The following ROBO4 variants were observed in gnomAD, a reference collection of about 807,000 sequenced individuals.
The protein encoded by ROBO4 is roundabout homolog 4.
Under a neutral mutation model 103.3 loss-of-function variants are expected in ROBO4, and 80 were observed. That is an observed-to-expected ratio of 0.77 (90% CI 0.65 to 0.93). ROBO4 has a LOEUF of 0.93. Ranked by LOEUF, ROBO4 falls within the 40% of genes least tolerant of loss-of-function variation. The pLI is 0.00. For synonymous variants in ROBO4, 504 were observed against 529.7 expected (o/e 0.95, Z 0.67); for missense variants, 1,333 against 1,305.3 (o/e 1.02, Z -0.33).
In ROBO4 at chr11:124,883,807, C is replaced by G. The variant is rs1187323005; in HGVS notation, c.*1084G>C. ...TACAGGCGTGAGCCACCGTGCCCAG[C>G]CAGCAAAACAATTTTCTACACAAAT... is the stretch of plus-strand genomic sequence containing the variant. On this transcript the variant is annotated 3_prime_UTR_variant, in exon 18 of 18. Transcript: ENST00000306534. 6.6e-6 allele frequency: 1 copy of G among 151,972 alleles called. No homozygotes were observed. The highest frequency in any genetic ancestry group is 1.5e-5 in the Non-Finnish European group (1 of 68,016). The allele number at this position is 151,972 out of a possible 1,614,324, so 9.4% of individuals were successfully genotyped here. A position where few individuals can be genotyped will look rare whatever the true frequency, so the allele number is the denominator to read the frequency against.
intron 12 of ROBO4, among the ~76,000 whole-genome samples, chr11:124,888,866 A>G (rs1946758402): frequency 6.6e-6 from 1 of 152,234 alleles, no homozygotes; most frequent in African/African-American, 2.4e-5. Context: ...AGGAACCTGA[A>G]GAACATCAGA....
At chr11:124,890,979 T>C (rs1294821087) in intron 12 of ROBO4, among the ~76,000 whole-genome samples, 1 of 152,220 alleles carries the variant, frequency 6.6e-6, no homozygotes, top group Non-Finnish European at 1.5e-5. Context: ...GTGTCTGACG[T>C]CTCTTGTGTT....
rs987704342 is a variant in ROBO4 at position 124,893,947 on chromosome 11, T to C, written c.1417A>G (p.Thr473Ala). 3.7e-6 allele frequency: 6 copies of C among 1,609,928 alleles called. No individual in the cohort carries two copies. The Admixed American group carries it at 6.7e-5, about 18-fold the overall frequency. ...ATLKRPEVIA[T>A]CGVALWLLLL... ...AGCAGCCAGAGTGCAACACCGCAGG[T>C]GGCAATGACCTCAGGCCGCTTCAAG... Residue 473 changes from threonine (T) to alanine (A), a missense_variant, in exon 9 of 18, where the codon ACC becomes GCC. By Grantham distance (58) the Thr-to-Ala change is moderately conservative. Transcript: ENST00000306534.
rs764965001 is a variant in ROBO4 at position 124,895,806 on chromosome 11, C to T, written c.786G>A (p.Pro262=). 53 of 1,614,176 alleles carry T rather than the reference C, an allele frequency of 3.3e-5. No individual in the cohort carries two copies. The highest frequency in any genetic ancestry group is 2.5e-4 in the South Asian group (23 of 91,088). Residue 262 remains proline (P), a synonymous_variant, in exon 5 of 18, where the codon CCG becomes CCA. Coordinates refer to ENST00000306534, the MANE Select transcript of ROBO4 (RefSeq NM_019055.6). ...TCACCTTCCAGCTGAGCCACACCGC[C>T]GGTCTAGGCTTGGGGCCCTCTGCAG... The part of the protein sequence containing the change: ...PDPAEGPKPR[P]AVWLSWKVSG...
intron 2 of ROBO4, 88 bp downstream of exon 2, chr11:124,896,844 C>T (rs1946901474): frequency 7.1e-6 from 11 of 1,540,320 alleles, no homozygotes; most frequent in Non-Finnish European, 8.7e-6. Flanking sequence ...AGGTATCCCA[C>T]TGACCTCTCA....
Position 124,897,199 on chromosome 11 carries a change from C to G in ROBO4, c.133G>C (p.Gly45Arg). 1 of 1,506,294 alleles carries G rather than the reference C, an allele frequency of 6.6e-7. No individual in the cohort carries two copies. Among genetic ancestry groups the G allele is most frequent in the Non-Finnish European group, 8.9e-7 (1 of 1,127,950 alleles). The allele number at this position is 1,506,294 out of a possible 1,614,324, so 93.3% of individuals were successfully genotyped here. Residue 45 changes from glycine (G) to arginine (R), a missense_variant, in exon 2 of 18, where the codon GGC (glycine) becomes CGC (arginine). By Grantham distance (125) the Gly-to-Arg change is moderately radical. Transcript: ENST00000306534. Reference protein sequence around the residue: ...LVHPQDQLFQGPGPARMSCQA... With the variant: ...LVHPQDQLFQRPGPARMSCQA... ...CAGCTCATCCTGGCAGGGCCAGGGC[C>G]CTGGAACAGCTGGTCCTGGGGGTGG...
At position 124,897,258 on chromosome 11, in the gene ROBO4, C is replaced by A. The variant is rs184959140; in HGVS notation, c.74G>T (p.Gly25Val). ...LPLLLLLIMG[G>V]MAQDSPPQIL... ...CTGGGGCGGGGAGTCCTGAGCCATG[C>A]CTCCTGGGAGGGAAAGGGAGCAGAG... The change falls in exon 2 of 18, where the codon GGC becomes GTC. Residue 25 changes from glycine (G) to valine (V), a missense_variant. Transcript: ENST00000306534. 2 of 1,439,406 alleles carry A rather than the reference C, an allele frequency of 1.4e-6. No individual in the cohort carries two copies. The highest frequency in any genetic ancestry group is 1.8e-6 in the Non-Finnish European group (2 of 1,097,314). The allele number at this position is 1,439,406 out of a possible 1,614,324, so 89.2% of individuals were successfully genotyped here.
intron 1 of ROBO4, 27 bp from the exon 2 acceptor site, chr11:124,897,288 G>A (rs1392754451): frequency 2.8e-6 from 4 of 1,408,968 alleles, no homozygotes; most frequent in Admixed American, 3.0e-5. Context: ...GCAGAGCCCA[G>A]TCTGATCACC....
chr11:124,886,889 C>G, intron 15 of ROBO4, 67 bp from the exon 16 acceptor site: 1 of 1,531,486 alleles, frequency 6.5e-7, no homozygotes, highest in Non-Finnish European at 8.8e-7. Context: ...AACAGAAAAG[C>G]CCCAGTTGAG....
At chr11:124,894,631 A>AG (rs1946853213) in intron 7 of ROBO4, among the ~76,000 whole-genome samples, 1 of 152,028 alleles carries the variant, frequency 6.6e-6, no homozygotes, top group Admixed American at 6.5e-5. Flanking sequence ...CCAAGTCACC[A>AG]GGGGGGCCTG....
chr11:124,896,667 A>T lies in ROBO4; in HGVS notation c.404T>A (p.Leu135His). The T allele has an allele frequency of 6.2e-7, 1 of 1,613,858 alleles. No individual in the cohort carries two copies. The highest frequency in any genetic ancestry group is 8.5e-7 in the Non-Finnish European group (1 of 1,179,878). ...SRGARLSVAVLREDFQIQPRD... is the reference protein window; with the variant it reads ...SRGARLSVAVHREDFQIQPRD... The stretch of plus-strand genomic sequence containing the variant: ...AGGCTGGATCTGGAAATCCTCCCGG[A>T]GGACTGTGGGGAGGATGGAAGGTGA... The change falls in exon 3 of 18, where the codon CTC becomes CAC. Residue 135 changes from leucine to histidine, a missense_variant. Transcript: ENST00000306534.
intron 2 of ROBO4, 57 bp from the exon 3 acceptor site, chr11:124,896,727 T>G: frequency 6.3e-7 from 1 of 1,576,200 alleles, no homozygotes; most frequent in Non-Finnish European, 8.6e-7. Flanking sequence ...CTCTCTCCCT[T>G]ATCACTCTTG....
At chr11:124,897,664 C>T in intron 1 of ROBO4, 62 bp downstream of exon 1, 1 of 1,473,898 alleles carries the variant, frequency 6.8e-7, no homozygotes, top group Non-Finnish European at 9.5e-7. Context: ...TCAGCAGGCC[C>T]CTTCTGCCCT....
At chr11:124,897,599 A>C (rs760192754) in intron 1 of ROBO4, 127 bp downstream of exon 1, 4 of 765,372 alleles carry the variant, frequency 5.2e-6, no homozygotes, top group East Asian at 2.5e-5. Context: ...CACACTCATC[A>C]TCATCATCCT....
chr11:124,887,055 C>T lies in ROBO4; in HGVS notation c.2357G>A (p.Gly786Glu), dbSNP rs375426949. The change falls in exon 15 of 18, where the codon GGG becomes GAG. Residue 786 changes from glycine (G) to glutamate (E), a missense_variant. Physicochemically the swap from Gly to Glu is moderately conservative, Grantham distance 98. Transcript: ENST00000306534. ...RLSSSSLSSL[G>E]EDQDSVLTPE... ...GGTCAGCACGCTGTCTTGATCCTCC[C>T]CCAGGGATGACAGTGAGGAGCTGGA... 3.1e-6 allele frequency: 5 copies of T among 1,613,952 alleles called. No homozygotes were observed. Among genetic ancestry groups the T allele is most frequent in the Non-Finnish European group, 4.2e-6 (5 of 1,179,902 alleles).
rs371541640 is a variant in ROBO4 at position 124,893,892 on chromosome 11, C to T, written c.1472G>A (p.Arg491His). Residue 491 changes from arginine (R) to histidine (H), a missense_variant, in exon 9 of 18, where the codon CGC becomes CAC. Transcript: ENST00000306534. The stretch of plus-strand genomic sequence containing the variant: ...CAGGTGCACCCTAGCTCGGCGCCGG[C>T]GGTGGATACACACGGCGGTGCCCAG... Reference protein sequence around the residue: ...LLLGTAVCIHRRRRARVHLGP... With the variant: ...LLLGTAVCIHHRRRARVHLGP... 241 of 1,612,506 alleles carry T rather than the reference C, an allele frequency of 1.5e-4. No homozygotes were observed. The highest frequency in any genetic ancestry group is 1.8e-4 in the Non-Finnish European group (216 of 1,179,788).
Position 124,896,551 on chromosome 11 carries a change from C to T in ROBO4, c.520G>A (p.Asp174Asn). 2 of 1,614,154 alleles carry T rather than the reference C, an allele frequency of 1.2e-6. No homozygotes were observed. Among genetic ancestry groups the T allele is most frequent in the Non-Finnish European group, 8.5e-7 (1 of 1,180,014 alleles). Residue 174 changes from aspartate (D) to asparagine (N), a missense_variant, in exon 3 of 18, where the codon GAT (aspartate) becomes AAT (asparagine). By Grantham distance (23) the Asp-to-Asn change is conservative (BLOSUM62 1). Coordinates refer to ENST00000306534, the MANE Select transcript of ROBO4 (RefSeq NM_019055.6). ...GGCTGGAGGGCCAGGGGTTTCCCAT[C>T]TTTCCACCATGAGACTGTGGGCTCT... ...HPEPTVSWWK[D>N]GKPLALQPGR...
At position 124,893,697 on chromosome 11, in the gene ROBO4, A is replaced by T; in HGVS notation, c.1538T>A (p.Leu513Gln). The change falls in exon 10 of 18, where the codon CTA (leucine) becomes CAA (glutamine). Residue 513 changes from leucine (L) to glutamine (Q), a missense_variant. Coordinates refer to ENST00000306534, the MANE Select transcript of ROBO4 (RefSeq NM_019055.6). ...CCCTTTCACCTCTCACCTGTGTTTT[A>T]GGATGGCATCCTCACTGGTATATCT... ...LYRYTSEDAILKHRMDHSDSQ... is the reference protein window; with the variant it reads ...LYRYTSEDAIQKHRMDHSDSQ... The T allele has an allele frequency of 6.2e-7, 1 of 1,613,936 alleles. No homozygotes were observed. Among genetic ancestry groups the T allele is most frequent in the Non-Finnish European group, 8.5e-7 (1 of 1,179,924 alleles).
rs773293316 is a variant in ROBO4 at position 124,893,965 on chromosome 11, GCTT to G, written c.1396_1398del (p.Lys466del). 1 of 1,600,210 alleles carries G rather than the reference GCTT, an allele frequency of 6.2e-7. No individual in the cohort carries two copies. Among genetic ancestry groups the G allele is most frequent in the Admixed American group, 1.7e-5 (1 of 58,370 alleles). On this transcript the variant is annotated inframe_deletion, in exon 9 of 18. Transcript: ENST00000306534. Reference sequence around the variant, plus strand: ...CCGCAGGTGGCAATGACCTCAGGCCGCTTCAAGGTAGCCCTCAGCTGCTCCAGG... The same window carrying G: ...CCGCAGGTGGCAATGACCTCAGGCCGCAAGGTAGCCCTCAGCTGCTCCAGG...
Sources: allele counts gnomAD v4.1 joint callset (sites outside exome capture counted in the v4.1 genomes callset), GRCh38; gene constraint gnomAD v4.1.1; transcripts MANE v1.5; gene names NCBI Gene and HGNC (gene_info 2026-07-23, HGNC 2026-07-21).